The following ARHGEF7 variants were observed in gnomAD, a reference collection of about 807,000 sequenced individuals.
The protein encoded by ARHGEF7 is PAK-interacting exchange factor beta.
ARHGEF7 carries 33 observed loss-of-function variants against 109.8 expected under a neutral mutation model. The observed-to-expected ratio is 0.30, with a 90% confidence interval of 0.23 to 0.40. The LOEUF (loss-of-function observed/expected upper bound fraction) is 0.40. Ranked by LOEUF, ARHGEF7 falls within the 10% of genes least tolerant of loss-of-function variation. The probability of loss-of-function intolerance (pLI) is 1.00; values close to 1 mark genes in which losing one functional copy is unlikely to be tolerated. For synonymous variants in ARHGEF7, 458 were observed against 424.6 expected (o/e 1.08, Z -0.97); for missense variants, 938 against 1,098.5 (o/e 0.85, Z 2.07).
chr13:111,155,128 A>G (rs2057682796), intron 2 of ARHGEF7, among the ~76,000 whole-genome samples: 1 of 152,250 alleles, frequency 6.6e-6, no homozygotes, highest in Non-Finnish European at 1.5e-5. Context: ...CATTTTATAT[A>G]AAAGACTTGA....
intron 2 of ARHGEF7, among the ~76,000 whole-genome samples, chr13:111,180,219 A>C (rs1329599215): frequency 6.6e-6 from 1 of 152,192 alleles, no homozygotes; most frequent in East Asian, 1.9e-4. Context: ...TGCTTTCAAG[A>C]ATCCAAAGAT....
At chr13:111,293,148 G>A (rs1219452887) in intron 19 of ARHGEF7, 7 of 985,382 alleles carry the variant, frequency 7.1e-6, no homozygotes, top group African/African-American at 3.5e-5. Flanking sequence ...TTTAAAGCCC[G>A]AAAGCTGAAG....
At chr13:111,164,476 G>C (rs1032293068) in intron 2 of ARHGEF7, among the ~76,000 whole-genome samples, 1 of 152,258 alleles carries the variant, frequency 6.6e-6, no homozygotes, top group Non-Finnish European at 1.5e-5. Context: ...TGTGCGACTA[G>C]TGTTGCCACA....
At chr13:111,115,906 G>C (rs1209326752) in intron 1 of ARHGEF7, among the ~76,000 whole-genome samples, 2 of 150,978 alleles carry the variant, frequency 1.3e-5, no homozygotes, top group Non-Finnish European at 3.0e-5. Flanking sequence ...AGCGGGGTCG[G>C]GGGGAGGGGC....
At chr13:111,298,155 C>T (rs1418940121) in intron 19 of ARHGEF7, among the ~76,000 whole-genome samples, 2 of 152,234 alleles carry the variant, frequency 1.3e-5, no homozygotes, top group African/African-American at 4.8e-5. Context: ...TTGATTTCTT[C>T]ACATGTGGTA....
rs943211806 is a variant in ARHGEF7 at position 111,304,926 on chromosome 13, T to C, written c.*1813T>C. Reference sequence around the variant, plus strand: ...CGTAAGACATTGCAGTGGGAAACCATTCAACTTGAGTTTATTGGAGTTTGC... The same window carrying C: ...CGTAAGACATTGCAGTGGGAAACCACTCAACTTGAGTTTATTGGAGTTTGC... On this transcript the variant is annotated 3_prime_UTR_variant, in exon 22 of 22. Coordinates refer to ENST00000646102, the MANE Select transcript of ARHGEF7 (RefSeq NM_001354046.2). 6.6e-6 allele frequency: 1 copy of C among 152,248 alleles called. No individual in the cohort carries two copies. The highest frequency in any genetic ancestry group is 6.5e-5 in the Admixed American group (1 of 15,284). The allele number at this position is 152,248 out of a possible 1,614,324, so 9.4% of individuals were successfully genotyped here.
At chr13:111,267,695 A>T (rs766712384) in intron 9 of ARHGEF7, 25 bp downstream of exon 9, 20 of 1,612,286 alleles carry the variant, frequency 1.2e-5, no homozygotes, top group Non-Finnish European at 1.7e-5. Flanking sequence ...CACCTTGGCA[A>T]CAGGGAGGGT....
chr13:111,230,401 T>C (rs548116399), intron 5 of ARHGEF7, among the ~76,000 whole-genome samples: 1 of 152,272 alleles, frequency 6.6e-6, no homozygotes, highest in Non-Finnish European at 1.5e-5. Context: ...ATTTAGCCTC[T>C]TTTAATTTCA....
chr13:111,267,772 AG>A, intron 9 of ARHGEF7, 102 bp downstream of exon 9: 16 of 1,427,110 alleles, frequency 1.1e-5, no homozygotes, highest in Non-Finnish European at 1.5e-5. Flanking sequence ...TGGTTATTAA[AG>A]GGTATGAATT....
At chr13:111,243,317 G>A (rs1324585310) in intron 6 of ARHGEF7, among the ~76,000 whole-genome samples, 1 of 152,186 alleles carries the variant, frequency 6.6e-6, no homozygotes, top group East Asian at 1.9e-4. Flanking sequence ...GTATATATCT[G>A]TTGTAACCGC....
intron 2 of ARHGEF7, among the ~76,000 whole-genome samples, chr13:111,197,813 G>A (rs1454304184): frequency 1.3e-5 from 2 of 152,106 alleles, no homozygotes; most frequent in East Asian, 1.9e-4. Flanking sequence ...AGGGAACAGA[G>A]TCCTGAAACT....
intron 16 of ARHGEF7, among the ~76,000 whole-genome samples, chr13:111,285,603 G>A (rs1379736434): frequency 6.6e-6 from 1 of 152,230 alleles, no homozygotes; most frequent in Non-Finnish European, 1.5e-5. Context: ...CCCTGGCCGA[G>A]CTTGGCTGTG....
intron 2 of ARHGEF7, among the ~76,000 whole-genome samples, chr13:111,171,029 T>G (rs933484935): frequency 2.6e-5 from 4 of 152,258 alleles, no homozygotes; most frequent in Non-Finnish European, 5.9e-5. Flanking sequence ...ACTAAGAATT[T>G]TGTGTGCACT....
At chr13:111,115,717 C>T (rs1417999662) in intron 1 of ARHGEF7, 26 bp downstream of exon 1, 38 of 1,132,094 alleles carry the variant, frequency 3.4e-5, no homozygotes, top group Non-Finnish European at 4.0e-5. Context: ...CGCCCCCGCC[C>T]GCGCCCCCCG....
At chr13:111,299,965 G>A in intron 19 of ARHGEF7, among the ~76,000 whole-genome samples, 1 of 152,118 alleles carries the variant, frequency 6.6e-6, no homozygotes, top group East Asian at 1.9e-4. Context: ...GGTACACGTT[G>A]TACCATATAA....
intron 5 of ARHGEF7, among the ~76,000 whole-genome samples, chr13:111,226,263 A>C (rs553123911): frequency 1.3e-5 from 2 of 152,326 alleles, no homozygotes; most frequent in African/African-American, 4.8e-5. Flanking sequence ...GAAGGAAAGA[A>C]GCCGTCTCCA....
intron 5 of ARHGEF7, among the ~76,000 whole-genome samples, chr13:111,221,511 A>C (rs1355949659): frequency 1.6e-5 from 1 of 60,816 alleles, no homozygotes; most frequent in African/African-American, 5.8e-5. Flanking sequence ...ATCTATATAT[A>C]TAGATATATA....
At chr13:111,243,255 A>G (rs962303130) in intron 6 of ARHGEF7, among the ~76,000 whole-genome samples, 1 of 152,196 alleles carries the variant, frequency 6.6e-6, no homozygotes, top group Non-Finnish European at 1.5e-5. Context: ...GTAATATTAC[A>G]TATGTTAAAA....
intron 2 of ARHGEF7, among the ~76,000 whole-genome samples, chr13:111,158,183 A>G (rs569802859): frequency 3.3e-5 from 5 of 152,364 alleles, no homozygotes; most frequent in East Asian, 3.9e-4. Flanking sequence ...ATATTCATAC[A>G]TAATAGAAAA....
Sources: allele counts gnomAD v4.1 joint callset (sites outside exome capture counted in the v4.1 genomes callset), GRCh38; gene constraint gnomAD v4.1.1; transcripts MANE v1.5; gene names NCBI Gene and HGNC (gene_info 2026-07-23, HGNC 2026-07-21).